Variants in NRXN1 observed in about 807,000 individuals in gnomAD.
NRXN1 encodes the protein neurexin-1.
Under a neutral mutation model 150.9 loss-of-function variants are expected in NRXN1, and 39 were observed. The observed-to-expected ratio is 0.26, with a 90% confidence interval of 0.20 to 0.34. NRXN1 has a LOEUF of 0.34. Among genes scored for constraint, NRXN1 ranks in the 10% least tolerant of loss-of-function variants. NRXN1 has a pLI of 1.00. For synonymous variants in NRXN1, 924 were observed against 757.0 expected (o/e 1.22, Z -3.62); for missense variants, 1,815 against 1,949.9 (o/e 0.93, Z 1.30).
chr2:50,781,654 TATAA>T (rs1272840632), intron 5 of NRXN1, among the ~76,000 whole-genome samples: 3 of 152,254 alleles, frequency 2.0e-5, no homozygotes, highest in Non-Finnish European at 4.4e-5. Context: ...AAAGAGGTTA[TATAA>T]ATAGTGACTT....
intron 17 of NRXN1, among the ~76,000 whole-genome samples, chr2:50,294,295 T>G (rs1434465641): frequency 1.3e-5 from 2 of 152,172 alleles, no homozygotes; most frequent in African/African-American, 4.8e-5. Context: ...TAAGTCTTAT[T>G]TTTTAGGAAT....
chr2:50,926,354 T>C (rs1686885509), intron 2 of NRXN1, among the ~76,000 whole-genome samples: 1 of 151,942 alleles, frequency 6.6e-6, no homozygotes, highest in African/African-American at 2.4e-5. Context: ...GGCCTTAGAT[T>C]TTAAGAAGTC....
intron 17 of NRXN1, among the ~76,000 whole-genome samples, chr2:50,290,994 TG>T (rs2072852460): frequency 6.6e-6 from 1 of 152,102 alleles, no homozygotes; most frequent in Admixed American, 6.5e-5. Flanking sequence ...GTGGATGTAA[TG>T]TAGCCACGTG....
At chr2:50,047,628 A>T (rs1191942406) in intron 21 of NRXN1, among the ~76,000 whole-genome samples, 1 of 152,032 alleles carries the variant, frequency 6.6e-6, no homozygotes, top group Non-Finnish European at 1.5e-5. Flanking sequence ...TACATCTCGA[A>T]TACTTTACGC....
chr2:50,913,538 TATTC>T (rs1684813508), intron 5 of NRXN1, among the ~76,000 whole-genome samples: 4 of 151,842 alleles, frequency 2.6e-5, no homozygotes. Flanking sequence ...TGAATTATCT[TATTC>T]ATTGTCTCAG....
At chr2:50,432,517 T>A (rs1243277807) in intron 17 of NRXN1, among the ~76,000 whole-genome samples, 1 of 152,204 alleles carries the variant, frequency 6.6e-6, no homozygotes, top group Non-Finnish European at 1.5e-5. Context: ...TCCTGTTACT[T>A]AAGTATATTT....
At chr2:50,831,761 T>C (rs1368416476) in intron 5 of NRXN1, among the ~76,000 whole-genome samples, 1 of 152,222 alleles carries the variant, frequency 6.6e-6, no homozygotes, top group African/African-American at 2.4e-5. Flanking sequence ...GGAATATGAA[T>C]AGAACTGGTG....
At chr2:50,340,272 C>T (rs900671266) in intron 17 of NRXN1, among the ~76,000 whole-genome samples, 2 of 152,116 alleles carry the variant, frequency 1.3e-5, no homozygotes, top group East Asian at 3.9e-4. Flanking sequence ...GTGATCAACA[C>T]TGAACAATCT....
chr2:50,592,027 T>A (rs948059005), intron 8 of NRXN1, among the ~76,000 whole-genome samples: 3 of 152,188 alleles, frequency 2.0e-5, no homozygotes, highest in African/African-American at 7.2e-5. Context: ...GGACACCCGA[T>A]GCAAGGAGGA....
At chr2:50,979,040 TCCCAACTCTC>T (rs1348240432) in intron 2 of NRXN1, among the ~76,000 whole-genome samples, 2 of 152,210 alleles carry the variant, frequency 1.3e-5, no homozygotes, top group South Asian at 2.1e-4. Context: ...AACTCATATG[TCCCAACTCTC>T]CTCTAGGATT....
At position 50,857,662 on chromosome 2, in the gene NRXN1, G is replaced by A. The variant is rs35166571; in HGVS notation, c.832+64207C>T. ...GCCCCATGAGTTTATAATTCTTCAA[G>A]GCCTAGGTCAAGGTCTATTTTCTCC... On this transcript the variant is annotated intron_variant, in intron 5 of 22. Transcript: ENST00000401669. Among the ~76,000 whole-genome samples, 228 of 152,122 alleles carry A rather than the reference G, an allele frequency of 1.5e-3. 1 individual carries two copies. The highest frequency in any genetic ancestry group is 5.0e-3 in the African/African-American group (209 of 41,538).
chr2:50,383,943 A>G (rs866994621), intron 17 of NRXN1, among the ~76,000 whole-genome samples: 1 of 152,158 alleles, frequency 6.6e-6, no homozygotes, highest in Admixed American at 6.5e-5. Flanking sequence ...AGCCAGTTCA[A>G]CTTACCCCGT....
At chr2:50,314,895 A>G (rs2152967768) in intron 17 of NRXN1, among the ~76,000 whole-genome samples, 1 of 152,034 alleles carries the variant, frequency 6.6e-6, no homozygotes, top group African/African-American at 2.4e-5. Context: ...TCACTTTTAA[A>G]ATGAGGGTGT....
At chr2:50,571,192 T>A (rs1490292872) in intron 8 of NRXN1, among the ~76,000 whole-genome samples, 1 of 152,136 alleles carries the variant, frequency 6.6e-6, no homozygotes, top group Non-Finnish European at 1.5e-5. Flanking sequence ...TAATGCAATA[T>A]AAAATGTTTC....
intron 17 of NRXN1, among the ~76,000 whole-genome samples, chr2:50,267,838 CTTA>C (rs1368485349): frequency 1.3e-5 from 2 of 151,850 alleles, no homozygotes; most frequent in African/African-American, 4.8e-5. Flanking sequence ...CAGACATTAT[CTTA>C]TTTGAAGTCC....
In NRXN1 at chr2:50,478,300, T is replaced by C. The variant is rs138595540; in HGVS notation, c.3071-5829A>G. ...AAAAAGCATGGGAAGTGAATACTGC[T>C]CTAATCTATTTGAGCTTACAAGTAA... On this transcript the variant is annotated intron_variant, in intron 15 of 22. Transcript: ENST00000401669. Among the ~76,000 whole-genome samples the C allele has an allele frequency of 1.6e-3, 237 of 152,312 alleles. 5 individuals carry two copies. The South Asian group carries it at 0.037, about 24-fold the overall frequency.
intron 21 of NRXN1, among the ~76,000 whole-genome samples, chr2:49,949,983 T>G (rs969420698): frequency 3.3e-5 from 5 of 151,660 alleles, no homozygotes; most frequent in African/African-American, 1.2e-4. Flanking sequence ...CTAGGTGAGG[T>G]TCCTTGAAAA....
At chr2:50,176,772 A>G (rs547857402) in intron 18 of NRXN1, among the ~76,000 whole-genome samples, 1 of 152,226 alleles carries the variant, frequency 6.6e-6, no homozygotes, top group South Asian at 2.1e-4. Context: ...ACCTTAAAGC[A>G]ATACACCCCT....
chr2:50,463,307 T>A (rs965596051), intron 17 of NRXN1, among the ~76,000 whole-genome samples: 4 of 151,878 alleles, frequency 2.6e-5, no homozygotes, highest in African/African-American at 9.7e-5. Context: ...TTCTACCAAT[T>A]ATAATTGATA....
Sources: gnomAD v4.1 joint callset for allele counts (sites outside exome capture counted in the v4.1 genomes callset) on GRCh38, gnomAD v4.1.1 for gene constraint, MANE v1.5 for transcripts, NCBI Gene and HGNC (gene_info 2026-07-23, HGNC 2026-07-21) for gene names.